Variants in PTPRK observed in about 807,000 individuals in gnomAD.
The protein encoded by PTPRK is receptor-type tyrosine-protein phosphatase kappa.
In PTPRK, 75 loss-of-function variants were observed where a neutral mutation model predicts 178.0. The observed-to-expected ratio is 0.42, with a 90% CI of 0.35 to 0.51. The LOEUF is 0.51. PTPRK is among the 20% of genes least tolerant of loss of function. The probability of loss-of-function intolerance (pLI) is 0.02; values close to 1 mark genes in which losing one functional copy is unlikely to be tolerated. For missense variants in PTPRK, 1,441 were observed against 1,797.8 expected, an observed-to-expected ratio of 0.80 and a Z score of 3.59; for synonymous variants, 637 against 620.6, an observed-to-expected ratio of 1.03 and a Z score of -0.39.
chr6:128,485,066 C>T (rs748697169), intron 1 of PTPRK, among the ~76,000 whole-genome samples: 16 of 152,274 alleles, frequency 1.1e-4, no homozygotes, highest in South Asian at 2.1e-4. Flanking sequence ...GTAAATTATA[C>T]GCAGTTTTAA....
intron 3 of PTPRK, among the ~76,000 whole-genome samples, chr6:128,273,812 T>C (rs1336280338): frequency 6.6e-6 from 1 of 152,184 alleles, no homozygotes; most frequent in African/African-American, 2.4e-5. Flanking sequence ...CACTGTAATG[T>C]CTCAAAAGCA....
chr6:128,238,199 AAAAGAAAAG>A (rs1813692264), intron 5 of PTPRK: 1 of 399,114 alleles, frequency 2.5e-6, no homozygotes, highest in Non-Finnish European at 4.7e-6. Flanking sequence ...AAAAAAAAAA[AAAAGAAAAG>A]AAAAAAAAAA....
intron 6 of PTPRK, among the ~76,000 whole-genome samples, chr6:128,215,505 C>T (rs1439494166): frequency 1.3e-5 from 2 of 152,190 alleles, no homozygotes; most frequent in Non-Finnish European, 2.9e-5. Flanking sequence ...GATTGGCCTC[C>T]ATAAGCTGAA....
chr6:128,152,988 T>C (rs1236929295), intron 7 of PTPRK, among the ~76,000 whole-genome samples: 2 of 152,052 alleles, frequency 1.3e-5, no homozygotes, highest in Middle Eastern at 3.4e-3. Flanking sequence ...CCTCTTTTTT[T>C]AAATTACAGA....
At chr6:128,172,591 T>A (rs1202284028) in intron 7 of PTPRK, among the ~76,000 whole-genome samples, 1 of 151,668 alleles carries the variant, frequency 6.6e-6, no homozygotes, top group African/African-American at 2.4e-5. Flanking sequence ...TAGTAAGATA[T>A]CAAAGTAATA....
intron 1 of PTPRK, among the ~76,000 whole-genome samples, chr6:128,410,833 C>T (rs1842223170): frequency 6.6e-6 from 1 of 152,210 alleles, no homozygotes; most frequent in African/African-American, 2.4e-5. Flanking sequence ...TGCCCAATCA[C>T]TAACTTGGCT....
chr6:128,173,145 T>C (rs568496938), intron 7 of PTPRK, among the ~76,000 whole-genome samples: 1 of 152,166 alleles, frequency 6.6e-6, no homozygotes, highest in East Asian at 1.9e-4. Context: ...TGCTCTGAGC[T>C]ACCCATTCTG....
chr6:128,256,235 A>C (rs748359922), intron 3 of PTPRK, among the ~76,000 whole-genome samples: 1 of 152,152 alleles, frequency 6.6e-6, no homozygotes, highest in African/African-American at 2.4e-5. Flanking sequence ...AGAGAAAATT[A>C]CTCCACCTGG....
intron 1 of PTPRK, among the ~76,000 whole-genome samples, chr6:128,432,435 ACT>A (rs1284281626): frequency 7.2e-5 from 11 of 151,946 alleles, no homozygotes; most frequent in African/African-American, 2.7e-4. Flanking sequence ...TTATTATAAA[ACT>A]CTGTCCATTT....
At chr6:128,021,349 C>G (rs1479710151) in intron 13 of PTPRK, among the ~76,000 whole-genome samples, 1 of 152,144 alleles carries the variant, frequency 6.6e-6, no homozygotes, top group Non-Finnish European at 1.5e-5. Context: ...AAAGTTTCAT[C>G]TCTTCAGCCG....
chr6:127,979,330 T>C (rs1774988008), intron 25 of PTPRK, among the ~76,000 whole-genome samples: 1 of 152,142 alleles, frequency 6.6e-6, no homozygotes, highest in Non-Finnish European at 1.5e-5. Flanking sequence ...TGAGAAAAAT[T>C]TGACAAAGAT....
intron 8 of PTPRK, among the ~76,000 whole-genome samples, chr6:128,088,344 T>G (rs981990909): frequency 6.6e-6 from 1 of 150,394 alleles, no homozygotes; most frequent in Non-Finnish European, 1.5e-5. Flanking sequence ...GCCACTGCAC[T>G]CCAGCCTGTA....
chr6:128,429,775 T>C lies in PTPRK; in HGVS notation c.101-32087A>G, dbSNP rs574851725. On this transcript the variant is annotated intron_variant, in intron 1 of 29. Transcript: ENST00000368226. ...TGACTCAGAATGTAAACTTACTCAA[T>C]TCAGTGAGGTGTGCATTATTAATTA... Among the ~76,000 whole-genome samples the C allele has an allele frequency of 2.0e-5, 3 of 152,306 alleles. No individual in the cohort carries two copies. The East Asian group carries it at 5.8e-4, about 29-fold the overall frequency.
chr6:128,096,120 T>C (rs1787869308), intron 7 of PTPRK, among the ~76,000 whole-genome samples: 2 of 152,198 alleles, frequency 1.3e-5, no homozygotes, highest in Non-Finnish European at 1.5e-5. Flanking sequence ...CAGTATTACA[T>C]AATTAGCAGG....
Position 128,519,237 on chromosome 6 carries a change from G to GC in PTPRK, c.100+1021dup, listed in dbSNP as rs1858592047. 1 of 407,852 alleles carries GC rather than the reference G, an allele frequency of 2.5e-6. No homozygotes were observed. The highest frequency in any genetic ancestry group is 7.2e-5 in the East Asian group (1 of 13,918). 25.3% of individuals were successfully genotyped at this position (407,852 alleles called of 1,614,324 possible). On this transcript the variant is annotated intron_variant, in intron 1 of 29. Transcript: ENST00000368226. The surrounding 1 kb of genome is among the most constrained non-coding windows in gnomAD (Gnocchi z 4.3). ...AGCGTCCACCTGGTGAAACTTCAGA[G>GC]CCCCCAGAGGAGAGAACGAAAGAAG...
intron 11 of PTPRK, among the ~76,000 whole-genome samples, chr6:128,075,464 C>T (rs1188341505): frequency 2.0e-5 from 3 of 151,994 alleles, no homozygotes; most frequent in Non-Finnish European, 4.4e-5. Flanking sequence ...TTCGTAAATG[C>T]ATCATTGTGA....
intron 20 of PTPRK, 142 bp from the exon 21 acceptor site, chr6:127,991,027 T>G (rs1776548034): frequency 1.6e-6 from 1 of 620,356 alleles, no homozygotes; most frequent in Non-Finnish European, 2.8e-6. Context: ...TATTATACAA[T>G]AAACAGAGTT....
rs755361167 is a variant in PTPRK, at chr6:127,976,890, A to T, written c.3843+33T>A. On this transcript the variant is annotated intron_variant, in intron 26 of 29. Coordinates refer to ENST00000368226, the MANE Select transcript of PTPRK (RefSeq NM_002844.4). Reference sequence around the variant, plus strand: ...TCATTACTACTCTATTAAGTTGTATATAAGTACATAAAAGCAATCCATAGC... The same window carrying T: ...TCATTACTACTCTATTAAGTTGTATTTAAGTACATAAAAGCAATCCATAGC... 7 of 1,613,200 alleles carry T rather than the reference A, an allele frequency of 4.3e-6. No homozygotes were observed. In the South Asian group the frequency reaches 6.6e-5, roughly 15 times the overall value.
intron 5 of PTPRK, among the ~76,000 whole-genome samples, chr6:128,228,573 T>A (rs1490604112): frequency 6.8e-6 from 1 of 147,388 alleles, no homozygotes; most frequent in Non-Finnish European, 1.5e-5. Flanking sequence ...GGCAGGAGAA[T>A]GGCGTGAACC....
Sources: gnomAD v4.1 joint callset for allele counts (sites outside exome capture counted in the v4.1 genomes callset) on GRCh38, gnomAD v4.1.1 for gene constraint, Gnocchi (gnomAD v3.1) non-coding constraint, MANE v1.5 for transcripts, NCBI Gene and HGNC (gene_info 2026-07-23, HGNC 2026-07-21) for gene names.